NALF1: variants seen among roughly 807,000 people sequenced by gnomAD.
NALF1 encodes family with sequence similarity 155 member A.
In NALF1, 3 loss-of-function variants were observed where a neutral mutation model predicts 48.4. That is an observed-to-expected ratio of 0.06 (90% confidence interval 0.03 to 0.16). The LOEUF (loss-of-function observed/expected upper bound fraction) is 0.16. Among genes scored for constraint, NALF1 ranks in the 10% least tolerant of loss-of-function variants. NALF1 has a pLI of 1.00. For synonymous variants in NALF1, 262 were observed against 245.7 expected (o/e 1.07, Z -0.62); for missense variants, 526 against 571.5 (o/e 0.92, Z 0.81).
chr13:107,245,112 C>T (rs1353502532), intron 1 of NALF1, among the ~76,000 whole-genome samples: 1 of 152,074 alleles, frequency 6.6e-6, no homozygotes. Context: ...CCACAGTGCC[C>T]ATGTGGGATA....
intron 1 of NALF1, among the ~76,000 whole-genome samples, chr13:107,764,573 G>T (rs1188261675): frequency 6.6e-6 from 1 of 152,156 alleles, no homozygotes; most frequent in African/African-American, 2.4e-5. Context: ...ACAAATCAAT[G>T]AAGGGAATAC....
intron 1 of NALF1, among the ~76,000 whole-genome samples, chr13:107,464,985 A>T (rs916432590): frequency 2.0e-5 from 3 of 151,528 alleles, no homozygotes; most frequent in Non-Finnish European, 2.9e-5. Flanking sequence ...TTATTCATTT[A>T]TTCATTTTTT....
At chr13:107,211,391 A>G (rs1879758588) in intron 1 of NALF1, among the ~76,000 whole-genome samples, 1 of 152,200 alleles carries the variant, frequency 6.6e-6, no homozygotes, top group Non-Finnish European at 1.5e-5. Context: ...TGTGGTTGGG[A>G]GTAGGAGGGA....
At chr13:107,484,214 T>G (rs933507890) in intron 1 of NALF1, among the ~76,000 whole-genome samples, 1 of 152,192 alleles carries the variant, frequency 6.6e-6, no homozygotes, top group African/African-American at 2.4e-5. Flanking sequence ...TTTCAATATA[T>G]TGCAGTAATT....
At chr13:107,644,543 A>C (rs1880251891) in intron 1 of NALF1, among the ~76,000 whole-genome samples, 1 of 151,220 alleles carries the variant, frequency 6.6e-6, no homozygotes, top group Non-Finnish European at 1.5e-5. Flanking sequence ...CCACTTGGCT[A>C]CTTAATGCAT....
intron 1 of NALF1, among the ~76,000 whole-genome samples, chr13:107,660,320 A>T (rs1413309053): frequency 6.6e-6 from 1 of 151,382 alleles, no homozygotes; most frequent in African/African-American, 2.4e-5. Context: ...CTGTAATCCC[A>T]GCCACTCGGG....
chr13:107,348,913 C>T (rs1461478071), intron 1 of NALF1, among the ~76,000 whole-genome samples: 2 of 152,198 alleles, frequency 1.3e-5, no homozygotes, highest in South Asian at 2.1e-4. Context: ...GATGCCAGCT[C>T]CTCCTTTGTA....
chr13:107,763,238 C>T (rs998318516), intron 1 of NALF1, among the ~76,000 whole-genome samples: 1 of 151,748 alleles, frequency 6.6e-6, no homozygotes, highest in African/African-American at 2.4e-5. Context: ...AGTTAAAGTG[C>T]TCTTCAACCT....
rs537052750 is a variant in NALF1 at position 107,822,989 on chromosome 13, C to T, written c.915+42693G>A. 2.3e-3 allele frequency among the ~76,000 whole-genome samples: 353 copies of T among 152,244 alleles called. 2 individuals are homozygous for T. The highest frequency in any genetic ancestry group is 3.6e-3 in the Non-Finnish European group (248 of 68,018). ...TTTGCCAGTAGCCATAAAAAATAATCGGGTACTGCTGAGGTCTGCTGAGAA... is the reference window on the plus strand; with the variant it reads ...TTTGCCAGTAGCCATAAAAAATAATTGGGTACTGCTGAGGTCTGCTGAGAA... On this transcript the variant is annotated intron_variant, in intron 1 of 2. Coordinates refer to ENST00000375915, the MANE Select transcript of NALF1 (RefSeq NM_001080396.3).
chr13:107,805,097 CTCAAG>C (rs974353968), intron 1 of NALF1, among the ~76,000 whole-genome samples: 2 of 152,090 alleles, frequency 1.3e-5, no homozygotes, highest in Non-Finnish European at 2.9e-5. Flanking sequence ...GATAATCACT[CTCAAG>C]TCAAGCAACT....
intron 1 of NALF1, among the ~76,000 whole-genome samples, chr13:107,793,629 T>C (rs991718545): frequency 1.3e-5 from 2 of 152,204 alleles, no homozygotes; most frequent in African/African-American, 4.8e-5. Context: ...AATATTAATA[T>C]TTCTTTTTAA....
intron 1 of NALF1, among the ~76,000 whole-genome samples, chr13:107,570,787 G>A (rs1877965498): frequency 6.6e-6 from 1 of 151,772 alleles, no homozygotes; most frequent in Non-Finnish European, 1.5e-5. Context: ...ATAGACACTT[G>A]CAGTAAAATC....
At chr13:107,734,506 G>A (rs1247115920) in intron 1 of NALF1, among the ~76,000 whole-genome samples, 1 of 151,890 alleles carries the variant, frequency 6.6e-6, no homozygotes, top group African/African-American at 2.4e-5. Context: ...TGCAATACCA[G>A]GAGTCTTTTA....
intron 1 of NALF1, among the ~76,000 whole-genome samples, chr13:107,570,394 A>G (rs1336937545): frequency 6.6e-6 from 1 of 152,070 alleles, no homozygotes; most frequent in East Asian, 1.9e-4. Context: ...AATTTTTATC[A>G]TAAACACGTA....
intron 1 of NALF1, among the ~76,000 whole-genome samples, chr13:107,547,596 G>C (rs1047839430): frequency 6.6e-6 from 1 of 152,218 alleles, no homozygotes; most frequent in East Asian, 1.9e-4. Context: ...AGGTTACCAA[G>C]GCACAATTTG....
At chr13:107,763,396 A>G (rs1417316610) in intron 1 of NALF1, among the ~76,000 whole-genome samples, 2 of 151,648 alleles carry the variant, frequency 1.3e-5, no homozygotes, top group Admixed American at 6.6e-5. Flanking sequence ...TTTTCTTCAG[A>G]CTAAATCACT....
At chr13:107,519,479 C>T (rs1024592193) in intron 1 of NALF1, among the ~76,000 whole-genome samples, 3 of 152,100 alleles carry the variant, frequency 2.0e-5, no homozygotes, top group Non-Finnish European at 4.4e-5. Context: ...GGTGTTCATG[C>T]CCCAAGGATG....
chr13:107,332,349 C>T (rs7337979), intron 1 of NALF1, among the ~76,000 whole-genome samples: 102,747 of 152,018 alleles, frequency 0.68, 34,910 homozygotes, highest in East Asian at 0.78. Context: ...ATCAACACTG[C>T]TTAAACGGTG....
chr13:107,588,706 A>G (rs1878524152), intron 1 of NALF1, among the ~76,000 whole-genome samples: 1 of 152,062 alleles, frequency 6.6e-6, no homozygotes, highest in East Asian at 1.9e-4. Flanking sequence ...GCAGAAAAAT[A>G]TCCTTTTAAT....
Sources: gnomAD v4.1 joint callset for allele counts (sites outside exome capture counted in the v4.1 genomes callset) on GRCh38, gnomAD v4.1.1 for gene constraint, MANE v1.5 for transcripts, NCBI Gene and HGNC (gene_info 2026-07-23, HGNC 2026-07-21) for gene names.